The following CROT variants were observed in gnomAD, a reference collection of about 807,000 sequenced individuals.
The protein encoded by CROT is carnitine O-octanoyltransferase.
A neutral mutation model predicts 89.2 loss-of-function variants in CROT; 84 were observed. That is an observed-to-expected ratio of 0.94 (90% CI 0.79 to 1.13). The LOEUF (loss-of-function observed/expected upper bound fraction) is 1.13, where lower values mean the gene tolerates loss of function less well. CROT is among the 50% of genes most tolerant of loss of function. CROT has a pLI of 0.00. For missense variants in CROT, 711 were observed against 727.8 expected, an observed-to-expected ratio of 0.98 and a Z score of 0.27; for synonymous variants, 212 against 239.5, an observed-to-expected ratio of 0.89 and a Z score of 1.06.
At chr7:87,349,616 T>A (rs765423303) in intron 3 of CROT, among the ~76,000 whole-genome samples, 7 of 152,232 alleles carry the variant, frequency 4.6e-5, no homozygotes, top group African/African-American at 1.7e-4. Flanking sequence ...ATCTGGACTT[T>A]CTACTGTTGT....
At chr7:87,348,560 A>T (rs1805768972) in intron 2 of CROT, among the ~76,000 whole-genome samples, 1 of 152,308 alleles carries the variant, frequency 6.6e-6, no homozygotes. Flanking sequence ...ACCCACTAAG[A>T]TTTACTGCAG....
Position 87,373,667 on chromosome 7 carries a change from A to G in CROT, c.657-1965A>G, listed in dbSNP as rs191437167. 3.9e-3 allele frequency among the ~76,000 whole-genome samples: 588 copies of G among 152,202 alleles called. 2 individuals are homozygous for G. The highest frequency in any genetic ancestry group is 6.8e-3 in the Middle Eastern group (2 of 294). The stretch of plus-strand genomic sequence containing the variant: ...AACTTTGGTAACAGAGATTGAGAGA[A>G]AAAATGGTGTTGAAGTTAGAGAGTT... On this transcript the variant is annotated intron_variant, in intron 7 of 17. Transcript: ENST00000331536.
At position 87,386,665 on chromosome 7, in the gene CROT, G is replaced by A. The variant is rs528503542; in HGVS notation, c.1301+4122G>A. The stretch of plus-strand genomic sequence containing the variant: ...GTTGTGGACTTGGAGTGTCTGCAAC[G>A]AAAGGATACCCTGGCTGTGTGGGAA... On this transcript the variant is annotated intron_variant, in intron 13 of 17. Transcript: ENST00000331536. 2.6e-5 allele frequency among the ~76,000 whole-genome samples: 4 copies of A among 152,252 alleles called. 1 individual carries two copies. Among genetic ancestry groups the A allele is most frequent in the South Asian group, 4.1e-4 (2 of 4,824 alleles).
In CROT at chr7:87,377,386, G is replaced by T; in HGVS notation, c.914G>T (p.Arg305Leu). Residue 305 changes from arginine to leucine, a missense_variant, in exon 10 of 18, where the codon CGC (arginine) becomes CTC (leucine). By Grantham distance (102) the Arg-to-Leu change is moderately radical. Transcript: ENST00000331536. ...AAILIGDPTVRWGDKSYNLIS... is the reference protein window; with the variant it reads ...AAILIGDPTVLWGDKSYNLIS... ...ATCCTTATTGGAGATCCAACAGTAC[G>T]CTGGGGTGACAAATCCTATAACTTG... 1.9e-6 allele frequency: 3 copies of T among 1,611,350 alleles called. No individual in the cohort carries two copies. Among genetic ancestry groups the T allele is most frequent in the Non-Finnish European group, 2.5e-6 (3 of 1,178,124 alleles).
Position 87,373,074 on chromosome 7 carries a change from G to T in CROT, c.657-2558G>T, listed in dbSNP as rs802059. 8.5e-3 allele frequency among the ~76,000 whole-genome samples: 1,298 copies of T among 152,196 alleles called. 30 individuals carry two copies. Among genetic ancestry groups the T allele is most frequent in the African/African-American group, 0.03 (1,227 of 41,548 alleles). ...CCAGAGAGTTTTCCAAAATGGCGCA[G>T]TATATTAGGGTTCCAGTTTCTCCAC... On this transcript the variant is annotated intron_variant, in intron 7 of 17. Coordinates refer to ENST00000331536, the MANE Select transcript of CROT (RefSeq NM_021151.4).
At chr7:87,385,874 A>T (rs893694647) in intron 13 of CROT, among the ~76,000 whole-genome samples, 4 of 151,910 alleles carry the variant, frequency 2.6e-5, no homozygotes, top group African/African-American at 9.7e-5. Context: ...TTTGTTGAAA[A>T]TTTTTTTTAT....
chr7:87,347,473 A>G (rs372440781), intron 2 of CROT, among the ~76,000 whole-genome samples: 1 of 152,118 alleles, frequency 6.6e-6, no homozygotes, highest in African/African-American at 2.4e-5. Context: ...AAAGTGGCAG[A>G]GTCTGTACTT....
chr7:87,358,854 A>G (rs1357968027), intron 3 of CROT, among the ~76,000 whole-genome samples: 1 of 152,164 alleles, frequency 6.6e-6, no homozygotes, highest in Non-Finnish European at 1.5e-5. Flanking sequence ...GTTCGAGTCA[A>G]CCATGTCCTT....
chr7:87,383,451 G>GT (rs944546916), intron 13 of CROT, among the ~76,000 whole-genome samples: 3 of 148,074 alleles, frequency 2.0e-5, no homozygotes, highest in Non-Finnish European at 4.5e-5. Flanking sequence ...TTCATTCTTT[G>GT]TTTTTTTATT....
At chr7:87,364,379 C>T (rs1215788762) in intron 6 of CROT, among the ~76,000 whole-genome samples, 1 of 152,134 alleles carries the variant, frequency 6.6e-6, no homozygotes, top group Non-Finnish European at 1.5e-5. Context: ...GGACAGTGGT[C>T]TCCCAGAGGC....
chr7:87,392,324 C>G (rs1807388000), intron 14 of CROT, among the ~76,000 whole-genome samples: 2 of 152,092 alleles, frequency 1.3e-5, no homozygotes, highest in Non-Finnish European at 2.9e-5. Context: ...GTTAGTGTCA[C>G]TTCAGTGCTG....
At chr7:87,392,247 C>A (rs946056050) in intron 14 of CROT, among the ~76,000 whole-genome samples, 2 of 152,216 alleles carry the variant, frequency 1.3e-5, no homozygotes, top group East Asian at 3.9e-4. Flanking sequence ...TTTTATAGAA[C>A]TGCTTTATTG....
rs1372317832 is a variant in CROT at position 87,361,536 on chromosome 7, T to C, written c.387T>C (p.Leu129=). 1 of 1,602,476 alleles carries C rather than the reference T, an allele frequency of 6.2e-7. No individual in the cohort carries two copies. Among genetic ancestry groups the C allele is most frequent in the Admixed American group, 1.8e-5 (1 of 57,018 alleles). ...AATTAGAAAGAGGAAGTATAACTCT[T>C]TGGCATAACTTGAACTACTGGCAGC... The part of the protein sequence containing the change: ...GTQLERGSIT[L]WHNLNYWQLL... Residue 129 remains leucine, a synonymous_variant, in exon 5 of 18, where the codon CTT becomes CTC. Transcript: ENST00000331536.
chr7:87,396,740 C>G (rs1346720564), intron 17 of CROT, among the ~76,000 whole-genome samples: 1 of 151,470 alleles, frequency 6.6e-6, no homozygotes, highest in Non-Finnish European at 1.5e-5. Flanking sequence ...ACAAAGTTAT[C>G]TACATTTCCA....
At chr7:87,361,256 C>T in intron 4 of CROT, 134 bp from the exon 5 acceptor site, 2 of 913,552 alleles carry the variant, frequency 2.2e-6, no homozygotes, top group Admixed American at 5.8e-5. Flanking sequence ...AGTCACCTCA[C>T]CCAGCCAAAA....
chr7:87,371,950 C>T (rs983346892), intron 7 of CROT, among the ~76,000 whole-genome samples: 54 of 147,728 alleles, frequency 3.7e-4, no homozygotes, highest in African/African-American at 1.0e-3. Context: ...GCTGTGATTA[C>T]GCCACTGCAC....
At chr7:87,386,235 A>T (rs893642112) in intron 13 of CROT, among the ~76,000 whole-genome samples, 3 of 152,144 alleles carry the variant, frequency 2.0e-5, no homozygotes, top group Non-Finnish European at 4.4e-5. Context: ...GTTTGAGTAT[A>T]ATTGGTATTA....
intron 6 of CROT, among the ~76,000 whole-genome samples, chr7:87,363,304 G>GA (rs1472329548): frequency 1.1e-4 from 16 of 152,118 alleles, no homozygotes; most frequent in African/African-American, 3.9e-4. Flanking sequence ...AGGTAGACAT[G>GA]AAAAAATCAG....
At chr7:87,392,491 C>A in intron 14 of CROT, 75 bp from the exon 15 acceptor site, 1 of 1,155,146 alleles carries the variant, frequency 8.7e-7, no homozygotes, top group Non-Finnish European at 1.3e-6. Flanking sequence ...ATCCTAATTA[C>A]AATGAGCTTA....
Sources: gnomAD v4.1 joint callset for allele counts (sites outside exome capture counted in the v4.1 genomes callset) on GRCh38, gnomAD v4.1.1 for gene constraint, MANE v1.5 for transcripts, NCBI Gene and HGNC (gene_info 2026-07-23, HGNC 2026-07-21) for gene names.